The following ANK3 variants were observed in gnomAD, a reference collection of about 807,000 sequenced individuals.
The protein encoded by ANK3 is ankyrin-3.
Under a neutral mutation model 370.9 loss-of-function variants are expected in ANK3, and 57 were observed. The ratio of observed to expected loss-of-function variants is 0.15; its 90% CI spans 0.12 to 0.19. ANK3 has a LOEUF of 0.19. ANK3 is among the 10% of genes least tolerant of loss of function. The probability of loss-of-function intolerance (pLI) is 1.00; values close to 1 mark genes in which losing one functional copy is unlikely to be tolerated. For synonymous variants in ANK3, 1,929 were observed against 1,946.3 expected, an observed-to-expected ratio of 0.99 and a Z score of 0.23; for missense variants, 4,439 against 5,302.1, an observed-to-expected ratio of 0.84 and a Z score of 5.06.
intron 2 of ANK3, among the ~76,000 whole-genome samples, chr10:60,577,263 C>T (rs1194411892): frequency 6.6e-6 from 1 of 152,128 alleles, no homozygotes; most frequent in Non-Finnish European, 1.5e-5. Context: ...CATTCTCCTG[C>T]TTGCCCACTA....
intron 1 of ANK3, chr10:60,684,783 A>T: frequency 6.4e-7 from 1 of 1,555,514 alleles, no homozygotes; most frequent in Non-Finnish European, 8.8e-7. Context: ...CCAGATGCAC[A>T]GATGGCATTT....
chr10:60,110,937 A>G (rs2132102914), intron 26 of ANK3, among the ~76,000 whole-genome samples: 1 of 152,314 alleles, frequency 6.6e-6, no homozygotes, highest in Non-Finnish European at 1.5e-5. Flanking sequence ...GCTGAGTCTC[A>G]ACAATATAGA....
At chr10:60,258,379 A>G (rs1370902519) in intron 7 of ANK3, among the ~76,000 whole-genome samples, 1 of 152,244 alleles carries the variant, frequency 6.6e-6, no homozygotes, top group Non-Finnish European at 1.5e-5. Flanking sequence ...GATATCTTAC[A>G]TATACCTAGT....
chr10:60,394,139 G>A (rs573230530), upstream of ANK3, among the ~76,000 whole-genome samples: 46 of 148,518 alleles, frequency 3.1e-4, 1 homozygote, highest in African/African-American at 1.0e-3. Flanking sequence ...CCGGATCCAC[G>A]ATCATTTCAT....
Position 60,286,383 on chromosome 10 carries a change from T to C in ANK3, c.115-6744A>G, listed in dbSNP as rs112318095. Among the ~76,000 whole-genome samples, 1,115 of 152,282 alleles carry C rather than the reference T, an allele frequency of 7.3e-3. 14 individuals are homozygous for C. Among genetic ancestry groups the C allele is most frequent in the African/African-American group, 0.025 (1,050 of 41,554 alleles). ...CTGTCTTTTTTTGTCTAATGTTGTG[T>C]TTCTTAGAGTCATCCATGTTGACAT... On this transcript the variant is annotated intron_variant, in intron 1 of 43. Coordinates refer to ENST00000280772, the MANE Select transcript of ANK3 (RefSeq NM_020987.5).
At chr10:60,517,356 C>T (rs2076244293) in intron 2 of ANK3, among the ~76,000 whole-genome samples, 1 of 152,044 alleles carries the variant, frequency 6.6e-6, no homozygotes, top group Admixed American at 6.6e-5. Flanking sequence ...AACCACTGTG[C>T]CCAGCCGATT....
chr10:60,571,888 A>C lies in ANK3; in HGVS notation c.96+43298T>G, dbSNP rs1383967751. 2.6e-5 allele frequency among the ~76,000 whole-genome samples: 4 copies of C among 152,322 alleles called. No individual in the cohort carries two copies. The South Asian group carries it at 6.2e-4, about 24-fold the overall frequency. On this transcript the variant is annotated intron_variant, in intron 2 of 43. Coordinates refer to the ANK3 transcript ENST00000373827. ...TTCCTCAATTTACATGGAAAACAAAATTAATTTTTTGGATTATAATAGACA... is the reference window on the plus strand; with the variant it reads ...TTCCTCAATTTACATGGAAAACAAACTTAATTTTTTGGATTATAATAGACA...
Position 60,181,359 on chromosome 10 carries a change from G to A in ANK3, c.2154C>T (p.Asn718=). The A allele has an allele frequency of 6.2e-7, 1 of 1,614,174 alleles. No homozygotes were observed. The highest frequency in any genetic ancestry group is 8.5e-7 in the Non-Finnish European group (1 of 1,180,022). The change falls in exon 18 of 44, where the codon AAC becomes AAT. Residue 718 remains asparagine (N), a synonymous_variant. Coordinates refer to ENST00000280772, the MANE Select transcript of ANK3 (RefSeq NM_020987.5). ...DRVNVAEVLV[N]QGAHVDAQTK... Reference sequence around the variant, plus strand: ...TCTGGGCGTCCACATGAGCCCCTTGGTTTACGAGGACTTCTGCCACATTCA... The same window carrying A: ...TCTGGGCGTCCACATGAGCCCCTTGATTTACGAGGACTTCTGCCACATTCA...
At chr10:60,397,897 C>T (rs117177424) in intron 2 of ANK3, among the ~76,000 whole-genome samples, 2,518 of 152,186 alleles carry the variant, frequency 0.017, 33 homozygotes, top group Non-Finnish European at 0.023. Flanking sequence ...CATTCTTTCC[C>T]AATATCTTTT....
chr10:60,353,468 T>C (rs753592140), intron 1 of ANK3, among the ~76,000 whole-genome samples: 16 of 152,194 alleles, frequency 1.1e-4, no homozygotes, highest in African/African-American at 2.2e-4. Flanking sequence ...TAGATTCTCA[T>C]ACTATTTACT....
chr10:60,312,071 G>A (rs902205859), intron 1 of ANK3, among the ~76,000 whole-genome samples: 1 of 152,196 alleles, frequency 6.6e-6, no homozygotes, highest in Admixed American at 6.5e-5. Flanking sequence ...TTCAGAGTTT[G>A]CGGGCAGGAA....
In ANK3 at chr10:60,412,435, G is replaced by A. The variant is rs542985009; in HGVS notation, c.97-132796C>T. On this transcript the variant is annotated intron_variant, in intron 2 of 43. Transcript: ENST00000373827. ...GGAATCTACATCATCGGCTCTGCAG[G>A]TTCTCAGGCCTTCGGACTGGGACTA... Among the ~76,000 whole-genome samples, 211 of 152,242 alleles carry A rather than the reference G, an allele frequency of 1.4e-3. 1 individual carries two copies. Among genetic ancestry groups the A allele is most frequent in the Non-Finnish European group, 2.2e-3 (147 of 68,008 alleles).
intron 25 of ANK3, among the ~76,000 whole-genome samples, chr10:60,117,894 A>G (rs2093209555): frequency 6.6e-6 from 1 of 152,258 alleles, no homozygotes; most frequent in African/African-American, 2.4e-5. Context: ...GATAAGCATC[A>G]AATACAGATA....
chr10:60,305,815 A>T (rs2044915156), intron 1 of ANK3, among the ~76,000 whole-genome samples: 1 of 152,182 alleles, frequency 6.6e-6, no homozygotes. Context: ...GCAGAAGCTG[A>T]ATCCCCAAAG....
At chr10:60,081,782 C>T (rs1490142435) in intron 35 of ANK3, 4 of 264,924 alleles carry the variant, frequency 1.5e-5, no homozygotes, top group Admixed American at 4.9e-5. Flanking sequence ...TGACTGTTCT[C>T]GTCAGTCATA....
At chr10:60,413,696 T>G (rs74897138) in intron 2 of ANK3, among the ~76,000 whole-genome samples, 68 of 152,282 alleles carry the variant, frequency 4.5e-4, no homozygotes, top group Non-Finnish European at 8.4e-4. Context: ...TTAATTGATA[T>G]TTCATAAACT....
In ANK3 at chr10:60,134,391, A is replaced by C; in HGVS notation, c.2739-18T>G. 6.3e-7 allele frequency: 1 copy of C among 1,590,112 alleles called. No homozygotes were observed. Among genetic ancestry groups the C allele is most frequent in the Non-Finnish European group, 8.6e-7 (1 of 1,164,072 alleles). On this transcript the variant is annotated intron_variant, in intron 24 of 43. Transcript: ENST00000280772. ...AGCGGAGGCTGTTGTATTTACAGTT[A>C]ACCATTCAACAGTGGTAGATGATGA...
intron 28 of ANK3, among the ~76,000 whole-genome samples, chr10:60,092,392 T>G (rs577128560): frequency 1.3e-5 from 2 of 152,258 alleles, no homozygotes; most frequent in Admixed American, 1.3e-4. Context: ...ACTTGTAGAA[T>G]GACAAAATGA....
chr10:60,361,775 G>T (rs1311474066), intron 1 of ANK3, among the ~76,000 whole-genome samples: 1 of 152,244 alleles, frequency 6.6e-6, no homozygotes, highest in East Asian at 1.9e-4. Flanking sequence ...GAAGAGAAAG[G>T]TCGTTAATCC....
Sources: gnomAD v4.1 joint callset for allele counts (sites outside exome capture counted in the v4.1 genomes callset) on GRCh38, gnomAD v4.1.1 for gene constraint, MANE v1.5 for transcripts, NCBI Gene and HGNC (gene_info 2026-07-23, HGNC 2026-07-21) for gene names.